RHPN2: variants seen among roughly 807,000 people sequenced by gnomAD.
RHPN2 encodes rhophilin Rho GTPase binding protein 2, also known as rhophilin-2.
RHPN2 carries 40 observed loss-of-function variants against 79.0 expected under a neutral mutation model. The ratio of observed to expected loss-of-function variants is 0.51; its 90% CI spans 0.39 to 0.66. The LOEUF (loss-of-function observed/expected upper bound fraction) is 0.66, where lower values mean the gene tolerates loss of function less well. Ranked by LOEUF, RHPN2 falls within the 30% of genes least tolerant of loss-of-function variation. RHPN2 has a pLI of 0.00. For missense variants in RHPN2, 686 were observed against 883.5 expected, an observed-to-expected ratio of 0.78 and a Z score of 2.83; for synonymous variants, 285 against 363.5, an observed-to-expected ratio of 0.78 and a Z score of 2.46.
intron 4 of RHPN2, among the ~76,000 whole-genome samples, chr19:33,019,493 C>T (rs1202108829): frequency 2.6e-5 from 4 of 152,084 alleles, no homozygotes; most frequent in African/African-American, 7.2e-5. Flanking sequence ...GCAGGAGAAT[C>T]GCTTGAACCT....
chr19:33,007,465 C>T (rs1971800252), intron 7 of RHPN2, among the ~76,000 whole-genome samples: 1 of 150,710 alleles, frequency 6.6e-6, no homozygotes, highest in African/African-American at 2.5e-5. Flanking sequence ...CCAGCCTGTG[C>T]AACAAGAGCA....
At chr19:33,036,374 T>C (rs1020991432) in intron 2 of RHPN2, among the ~76,000 whole-genome samples, 2 of 151,986 alleles carry the variant, frequency 1.3e-5, no homozygotes, top group African/African-American at 4.8e-5. Context: ...GGAATGGTGG[T>C]ATACGTGTAT....
At chr19:33,049,886 G>A (rs537682338) in intron 1 of RHPN2, among the ~76,000 whole-genome samples, 13 of 152,106 alleles carry the variant, frequency 8.5e-5, no homozygotes, top group Non-Finnish European at 1.8e-4. Context: ...GCGGTGAGGC[G>A]GTGTGAGCGG....
chr19:32,998,296 T>C (rs1005441505), intron 10 of RHPN2, among the ~76,000 whole-genome samples: 1 of 152,176 alleles, frequency 6.6e-6, no homozygotes, highest in African/African-American at 2.4e-5. Context: ...AGATTTGAGA[T>C]ATGTTTTCTA....
At chr19:33,043,354 C>G (rs1972116188) in intron 2 of RHPN2, among the ~76,000 whole-genome samples, 1 of 151,978 alleles carries the variant, frequency 6.6e-6, no homozygotes. Context: ...CGTTCAAGAC[C>G]AGGCTGGCCA....
At chr19:33,059,793 C>T (rs1972264747) in intron 1 of RHPN2, among the ~76,000 whole-genome samples, 1 of 152,154 alleles carries the variant, frequency 6.6e-6, no homozygotes, top group Non-Finnish European at 1.5e-5. Context: ...CTAGGACCTT[C>T]CAGCATTCTT....
Position 32,999,576 on chromosome 19 carries a change from G to A in RHPN2, c.1225+10C>T, listed in dbSNP as rs770430222. On this transcript the variant is annotated intron_variant, in intron 10 of 14. Transcript: ENST00000254260. ...GTGGGGCCCACATCTGGGTGCAGGG[G>A]GACACGCACCCAGCTGTCGGCGCTG... 3 of 1,609,254 alleles carry A rather than the reference G, an allele frequency of 1.9e-6. No individual in the cohort carries two copies. Among genetic ancestry groups the A allele is most frequent in the Non-Finnish European group, 2.5e-6 (3 of 1,177,158 alleles).
intron 1 of RHPN2, among the ~76,000 whole-genome samples, chr19:33,057,883 G>C (rs761439350): frequency 1.3e-5 from 2 of 151,938 alleles, no homozygotes; most frequent in East Asian, 1.9e-4. Flanking sequence ...TCCTGGGCTC[G>C]GCGCAGTGGC....
rs57230466 is a variant in RHPN2, at chr19:32,983,055, TACACAC to T, written c.1801-2805_1801-2800del. Among the ~76,000 whole-genome samples, 288 of 103,430 alleles carry T rather than the reference TACACAC, an allele frequency of 2.8e-3. 1 individual carries two copies. The highest frequency in any genetic ancestry group is 3.8e-3 in the Non-Finnish European group (197 of 51,624). 67.9% of individuals were successfully genotyped at this position (103,430 alleles called of 152,430 possible). A position where few individuals can be genotyped will look rare whatever the true frequency, so the allele number is the denominator to read the frequency against. ...CAGGCACCCTTGCCTCCCAGATCTC[TACACAC>T]ACACACACACACACACACACACACA... is the stretch of plus-strand genomic sequence containing the variant. On this transcript the variant is annotated intron_variant, in intron 14 of 14. Transcript: ENST00000254260.
chr19:33,040,871 T>C (rs910349073), intron 2 of RHPN2, among the ~76,000 whole-genome samples: 3 of 152,068 alleles, frequency 2.0e-5, no homozygotes, highest in African/African-American at 7.2e-5. Context: ...CAAGAATCAC[T>C]TGAATCCAGG....
chr19:33,057,230 C>G (rs1043857834), intron 1 of RHPN2, among the ~76,000 whole-genome samples: 2 of 151,936 alleles, frequency 1.3e-5, no homozygotes, highest in Admixed American at 6.6e-5. Context: ...GTTGTCCCAG[C>G]TACTCAGGAG....
chr19:32,991,360 G>C (rs1971658442), intron 13 of RHPN2: 1 of 227,664 alleles, frequency 4.4e-6, no homozygotes, highest in East Asian at 1.2e-4. Context: ...TCAGCAGCCT[G>C]AGGCAGGAGA....
intron 9 of RHPN2, 115 bp from the exon 10 acceptor site, chr19:32,999,820 G>C: frequency 7.3e-7 from 1 of 1,369,256 alleles, no homozygotes; most frequent in South Asian, 1.2e-5. Flanking sequence ...CAAGGCATTT[G>C]GGATCATGGG....
At chr19:33,061,114 C>T (rs1284001589) in intron 1 of RHPN2, among the ~76,000 whole-genome samples, 1 of 152,196 alleles carries the variant, frequency 6.6e-6, no homozygotes, top group Non-Finnish European at 1.5e-5. Flanking sequence ...ACAAACACCT[C>T]CACACCCTGG....
At chr19:33,036,904 C>T (rs888356294) in intron 2 of RHPN2, among the ~76,000 whole-genome samples, 1 of 145,960 alleles carries the variant, frequency 6.9e-6, no homozygotes, top group Non-Finnish European at 1.5e-5. Context: ...TCCTGTGTAG[C>T]CCGAGCCTCC....
intron 10 of RHPN2, among the ~76,000 whole-genome samples, chr19:32,997,847 G>C (rs1971715092): frequency 6.6e-6 from 1 of 152,220 alleles, no homozygotes; most frequent in African/African-American, 2.4e-5. Context: ...ATGTGAAAGA[G>C]CAGCAGGTGC....
At chr19:33,010,864 G>A (rs1297293925) in intron 6 of RHPN2, among the ~76,000 whole-genome samples, 6 of 151,394 alleles carry the variant, frequency 4.0e-5, no homozygotes, top group Admixed American at 4.0e-4. Flanking sequence ...TGTATTGTTT[G>A]TAGATATGGG....
chr19:32,982,968 A>G (rs557988629), intron 14 of RHPN2, among the ~76,000 whole-genome samples: 1 of 151,128 alleles, frequency 6.6e-6, no homozygotes. Context: ...CGTATACTTC[A>G]TGGCATCCGT....
intron 6 of RHPN2, 114 bp downstream of exon 6, chr19:33,011,565 G>A: frequency 7.9e-7 from 1 of 1,263,052 alleles, no homozygotes; most frequent in South Asian, 1.2e-5. Flanking sequence ...TGCAAGATAG[G>A]AAAGGGGGCT....
Sources: allele counts gnomAD v4.1 joint callset (sites outside exome capture counted in the v4.1 genomes callset), GRCh38; gene constraint gnomAD v4.1.1; transcripts MANE v1.5; gene names NCBI Gene and HGNC (gene_info 2026-07-23, HGNC 2026-07-21).